PITPNC1: variants seen among roughly 807,000 people sequenced by gnomAD.
The protein encoded by PITPNC1 is phosphatidylinositol transfer protein cytoplasmic 1.
A neutral mutation model predicts 44.7 loss-of-function variants in PITPNC1; 18 were observed. That is an observed-to-expected ratio of 0.40 (90% CI 0.28 to 0.60). PITPNC1 has a LOEUF of 0.60. PITPNC1 is among the 20% of genes least tolerant of loss of function. PITPNC1 has a pLI of 0.39. For synonymous variants in PITPNC1, 141 were observed against 149.6 expected (o/e 0.94, Z 0.42); for missense variants, 290 against 418.4 (o/e 0.69, Z 2.68).
intron 1 of PITPNC1, among the ~76,000 whole-genome samples, chr17:67,393,637 T>G (rs1449153756): frequency 6.6e-6 from 1 of 152,192 alleles, no homozygotes; most frequent in Non-Finnish European, 1.5e-5. Flanking sequence ...TTTAGAAATA[T>G]TACTGTATCA....
chr17:67,468,514 GC>G (rs1232252182), intron 1 of PITPNC1, among the ~76,000 whole-genome samples: 2 of 146,576 alleles, frequency 1.4e-5, no homozygotes, highest in Non-Finnish European at 3.0e-5. Context: ...CCATTCTCCT[GC>G]CTCAGCCTCC....
chr17:67,429,870 T>G (rs1321129672), intron 1 of PITPNC1, among the ~76,000 whole-genome samples: 1 of 152,232 alleles, frequency 6.6e-6, no homozygotes, highest in African/African-American at 2.4e-5. Context: ...GAATACAATT[T>G]CAGTAGTTAT....
chr17:67,634,136 T>G (rs1426683015), intron 6 of PITPNC1, among the ~76,000 whole-genome samples: 1 of 152,184 alleles, frequency 6.6e-6, no homozygotes, highest in African/African-American at 2.4e-5. Flanking sequence ...ACAGGGTCAC[T>G]CATGGGCACG....
At chr17:67,435,126 A>G (rs2038919856) in intron 1 of PITPNC1, among the ~76,000 whole-genome samples, 1 of 151,526 alleles carries the variant, frequency 6.6e-6, no homozygotes, top group South Asian at 2.1e-4. Flanking sequence ...AAAAAAAAAA[A>G]AAAAGAAGCC....
chr17:67,399,062 T>A (rs546833007), intron 1 of PITPNC1, among the ~76,000 whole-genome samples: 2 of 143,670 alleles, frequency 1.4e-5, no homozygotes, highest in South Asian at 4.5e-4. Flanking sequence ...TTTCCCAGGC[T>A]GGAGTGCAGT....
At chr17:67,433,965 C>T (rs1270690263) in intron 1 of PITPNC1, among the ~76,000 whole-genome samples, 1 of 152,006 alleles carries the variant, frequency 6.6e-6, no homozygotes, top group East Asian at 1.9e-4. Context: ...GAGGTACAGG[C>T]TGGATGGGAG....
At chr17:67,430,394 AGGAGGATCGCTTGAACTCGG>A (rs1209804787) in intron 1 of PITPNC1, among the ~76,000 whole-genome samples, 1 of 151,492 alleles carries the variant, frequency 6.6e-6, no homozygotes, top group Non-Finnish European at 1.5e-5. Context: ...AGGCTGAGGC[AGGAGGATCGCTTGAACTCGG>A]GAGGTGGAGG....
chr17:67,657,460 A>C (rs1281654697), intron 6 of PITPNC1, among the ~76,000 whole-genome samples: 5 of 152,102 alleles, frequency 3.3e-5, no homozygotes, highest in Non-Finnish European at 4.4e-5. Context: ...TTTTCTGTTT[A>C]ATATTAAAAG....
intron 1 of PITPNC1, among the ~76,000 whole-genome samples, chr17:67,479,351 G>T (rs2039673928): frequency 6.6e-6 from 1 of 152,188 alleles, no homozygotes; most frequent in Non-Finnish European, 1.5e-5. Context: ...AGGCAGTCAG[G>T]CCATAGGTTT....
At chr17:67,418,957 T>C (rs2038625749) in intron 1 of PITPNC1, among the ~76,000 whole-genome samples, 1 of 152,070 alleles carries the variant, frequency 6.6e-6, no homozygotes, top group South Asian at 2.1e-4. Context: ...ATGACTTGGG[T>C]AGTGTTCAGA....
At chr17:67,443,048 T>C (rs2039037728) in intron 1 of PITPNC1, among the ~76,000 whole-genome samples, 1 of 151,980 alleles carries the variant, frequency 6.6e-6, no homozygotes, top group Admixed American at 6.6e-5. Flanking sequence ...CCAGTGATCA[T>C]GTCACTTTCT....
At chr17:67,400,997 G>A (rs929051266) in intron 1 of PITPNC1, among the ~76,000 whole-genome samples, 1 of 151,594 alleles carries the variant, frequency 6.6e-6, no homozygotes, top group Non-Finnish European at 1.5e-5. Context: ...TGCCAACTCG[G>A]CTCACTGCAT....
chr17:67,595,319 A>G (rs930964966), intron 5 of PITPNC1, among the ~76,000 whole-genome samples: 4 of 152,210 alleles, frequency 2.6e-5, no homozygotes, highest in African/African-American at 9.6e-5. Flanking sequence ...GAACTCTGAA[A>G]AGGGAACCAT....
At chr17:67,516,621 C>G (rs1328899340) in intron 1 of PITPNC1, among the ~76,000 whole-genome samples, 1 of 152,028 alleles carries the variant, frequency 6.6e-6, no homozygotes, top group African/African-American at 2.4e-5. Context: ...CCCGTTCTTT[C>G]TTGCCATGCT....
intron 1 of PITPNC1, among the ~76,000 whole-genome samples, chr17:67,420,541 TCTCA>T (rs1229441709): frequency 1.3e-5 from 2 of 151,958 alleles, no homozygotes; most frequent in East Asian, 3.9e-4. Context: ...CAAGCGAGCC[TCTCA>T]CTCACCCTCC....
At chr17:67,544,000 G>A (rs1314807022) in intron 2 of PITPNC1, among the ~76,000 whole-genome samples, 2 of 152,156 alleles carry the variant, frequency 1.3e-5, no homozygotes, top group Non-Finnish European at 2.9e-5. Context: ...ATAGACACCT[G>A]CTACCACGCC....
intron 5 of PITPNC1, among the ~76,000 whole-genome samples, chr17:67,628,607 A>C (rs765240011): frequency 2.6e-5 from 4 of 152,194 alleles, no homozygotes; most frequent in Non-Finnish European, 5.9e-5. Context: ...GGTTGACCTG[A>C]GCCAGGGCTG....
At chr17:67,599,034 A>ATATATATTT (rs1461493250) in intron 5 of PITPNC1, among the ~76,000 whole-genome samples, 2 of 35,672 alleles carry the variant, frequency 5.6e-5, no homozygotes, top group African/African-American at 1.1e-4. Context: ...ATATATATAT[A>ATATATATTT]TTTTTTTTTT....
chr17:67,597,328 T>C lies in PITPNC1; in HGVS notation c.366+19071T>C, dbSNP rs534382756. Among the ~76,000 whole-genome samples, 154 of 151,992 alleles carry C rather than the reference T, an allele frequency of 1.0e-3. No individual in the cohort carries two copies. The highest frequency in any genetic ancestry group is 3.7e-3 in the African/African-American group (152 of 41,452). On this transcript the variant is annotated intron_variant, in intron 5 of 8. Transcript: ENST00000581322. This position sits in a 1 kb window ranked among gnomAD's most constrained non-coding sequence, Gnocchi z 4.0. ...CCGCACTTTGGGAGGCCAAAGTGGG[T>C]ATCTTACTTGAAGTCAGGAATTCGA...
Sources: allele counts gnomAD v4.1 joint callset (sites outside exome capture counted in the v4.1 genomes callset), GRCh38; gene constraint gnomAD v4.1.1; non-coding constraint Gnocchi (gnomAD v3.1); transcripts MANE v1.5; gene names NCBI Gene and HGNC (gene_info 2026-07-23, HGNC 2026-07-21).